Variants in TTBK1 observed in about 807,000 individuals in gnomAD.
TTBK1 encodes the protein tau tubulin kinase 1.
TTBK1 carries 34 observed loss-of-function variants against 108.5 expected under a neutral mutation model. The ratio of observed to expected loss-of-function variants is 0.31; its 90% confidence interval spans 0.24 to 0.42. The LOEUF (loss-of-function observed/expected upper bound fraction) is 0.42. Among genes scored for constraint, TTBK1 ranks in the 10% least tolerant of loss-of-function variants. The pLI is 1.00. For synonymous variants in TTBK1, 809 were observed against 795.1 expected, an observed-to-expected ratio of 1.02 and a Z score of -0.29; for missense variants, 1,539 against 1,826.0, an observed-to-expected ratio of 0.84 and a Z score of 2.86.
At chr6:43,268,305 C>A (rs545325815) in intron 13 of TTBK1, among the ~76,000 whole-genome samples, 1 of 152,326 alleles carries the variant, frequency 6.6e-6, no homozygotes, top group South Asian at 2.1e-4. Context: ...GGGCCTTAGA[C>A]CCCTAACCCT....
intron 7 of TTBK1, among the ~76,000 whole-genome samples, 199 bp from the exon 8 acceptor site, chr6:43,255,353 C>T (rs1208918258): frequency 6.6e-6 from 1 of 152,200 alleles, no homozygotes; most frequent in African/African-American, 2.4e-5. Context: ...TGAGGAAGCA[C>T]ACACGGTAGT....
chr6:43,285,503 C>G lies in TTBK1; in HGVS notation c.*127C>G, dbSNP rs996050277. The G allele has an allele frequency of 7.6e-6, 9 of 1,177,558 alleles. No homozygotes were observed. The East Asian group carries it at 2.3e-4, about 30-fold the overall frequency. The allele number at this position is 1,177,558 out of a possible 1,614,324, so 72.9% of individuals were successfully genotyped here. ...CGCGCCACCCGCGGCCCCAGCTTTC[C>G]GCCTGCACCCGCGAGGACGCGCGCG... On this transcript the variant is annotated 3_prime_UTR_variant, in exon 15 of 15. Transcript: ENST00000259750. This position sits in a 1 kb window ranked among gnomAD's most constrained non-coding sequence, Gnocchi z 4.7.
chr6:43,281,914 T>C (rs1562099124), intron 13 of TTBK1, among the ~76,000 whole-genome samples: 1 of 152,072 alleles, frequency 6.6e-6, no homozygotes, highest in Admixed American at 6.5e-5. Flanking sequence ...GTCAGACCTT[T>C]CTAGTCTGGA....
At chr6:43,267,419 C>T (rs1363797828) in intron 13 of TTBK1, among the ~76,000 whole-genome samples, 2 of 152,130 alleles carry the variant, frequency 1.3e-5, no homozygotes, top group South Asian at 4.1e-4. Flanking sequence ...GCTGAATTCC[C>T]TCTTTCCCAC....
chr6:43,285,349 C>T lies in TTBK1; in HGVS notation c.3939C>T (p.Gly1313=). 1 of 1,283,124 alleles carries T rather than the reference C, an allele frequency of 7.8e-7. No individual in the cohort carries two copies. The highest frequency in any genetic ancestry group is 3.1e-5 in the East Asian group (1 of 31,936). The allele number at this position is 1,283,124 out of a possible 1,614,324, so 79.5% of individuals were successfully genotyped here. A position where few individuals can be genotyped will look rare whatever the true frequency, so the allele number is the denominator to read the frequency against. Residue 1313 remains glycine (G), a synonymous_variant, in exon 15 of 15, where the codon GGC becomes GGT. Coordinates refer to ENST00000259750, the MANE Select transcript of TTBK1 (RefSeq NM_032538.3). This position sits in a 1 kb window ranked among gnomAD's most constrained non-coding sequence, Gnocchi z 4.7. ...CAACAACCAAAGGCCGGGCAGGAGG[C>T]GCGGAGGGCCGGGCTGGGGCCAGAT... ...QRATTKGRAG[G]AEGRAGAR
chr6:43,270,620 G>T, intron 13 of TTBK1: 3 of 985,372 alleles, frequency 3.0e-6, no homozygotes, highest in Non-Finnish European at 3.6e-6. Flanking sequence ...CCCCAGGAAG[G>T]CTCAGTCCAT....
At chr6:43,281,533 C>T (rs1414932327) in intron 13 of TTBK1, among the ~76,000 whole-genome samples, 1 of 152,030 alleles carries the variant, frequency 6.6e-6, no homozygotes, top group Non-Finnish European at 1.5e-5. Context: ...GAGAACAGGC[C>T]GGTGGCTGGG....
rs1777761229 is a variant in TTBK1, at chr6:43,269,319, G to A, written c.1986+5969G>A. 6.6e-6 allele frequency among the ~76,000 whole-genome samples: 1 copy of A among 152,216 alleles called. No individual in the cohort carries two copies. The highest frequency in any genetic ancestry group is 1.5e-5 in the Non-Finnish European group (1 of 68,034). On this transcript the variant is annotated intron_variant, in intron 13 of 14. Transcript: ENST00000259750. This position sits in a 1 kb window ranked among gnomAD's most constrained non-coding sequence, Gnocchi z 4.8. ...CGTTCCTGAGAGAAAGGGTTCCCCA[G>A]TCCAGAACAACCCTGAGCTAGGTAG...
chr6:43,270,535 G>T, intron 13 of TTBK1: 3 of 986,128 alleles, frequency 3.0e-6, no homozygotes, highest in Non-Finnish European at 3.6e-6. Context: ...GTGATCGGGG[G>T]AGGAGCCCTG....
Position 43,283,300 on chromosome 6 carries a change from GC to G in TTBK1, c.2565del (p.Asp856ThrfsTer54). On this transcript the variant is annotated frameshift_variant, in exon 14 of 15. Transcript: ENST00000259750. LOFTEE classifies it high-confidence loss of function. This position sits in a 1 kb window ranked among gnomAD's most constrained non-coding sequence, Gnocchi z 8.1. The part of the protein sequence containing the change: ...MKKSPVTAEL[A>X]PDPDLGTLAA... ...GAAGTCGCCCGTCACTGCCGAACTG[GC>G]CCCCGACCCCGACCTGGGCACCCTG... The G allele has an allele frequency of 1.3e-6, 2 of 1,574,198 alleles. No homozygotes were observed. The highest frequency in any genetic ancestry group is 8.6e-7 in the Non-Finnish European group (1 of 1,159,920).
At chr6:43,248,869 C>G (rs1777166392) in intron 2 of TTBK1, among the ~76,000 whole-genome samples, 1 of 152,154 alleles carries the variant, frequency 6.6e-6, no homozygotes. Flanking sequence ...TTCTCAGAAT[C>G]AGAATAGCAA....
At chr6:43,275,727 C>T (rs1777964353) in intron 13 of TTBK1, among the ~76,000 whole-genome samples, 2 of 152,028 alleles carry the variant, frequency 1.3e-5, no homozygotes, top group Admixed American at 6.5e-5. Flanking sequence ...AATCCGCGTC[C>T]CCTGCCCCAC....
chr6:43,258,994 C>A, intron 10 of TTBK1, 44 bp from the exon 11 acceptor site: 2 of 1,484,696 alleles, frequency 1.3e-6, no homozygotes, highest in Non-Finnish European at 1.8e-6. Flanking sequence ...AAGGAGAGGG[C>A]ACCCCTGCCA....
chr6:43,285,548 CAG>C lies in TTBK1; in HGVS notation c.*173_*174del. 2 of 886,104 alleles carry C rather than the reference CAG, an allele frequency of 2.3e-6. No homozygotes were observed. The highest frequency in any genetic ancestry group is 2.9e-6 in the Non-Finnish European group (2 of 680,598). 54.9% of individuals were successfully genotyped at this position (886,104 alleles called of 1,614,324 possible). On this transcript the variant is annotated 3_prime_UTR_variant, in exon 15 of 15. Transcript: ENST00000259750. The surrounding 1 kb of genome is among the most constrained non-coding windows in gnomAD (Gnocchi z 4.7). ...CGCGCGAGCACACGCGGCGCCCCGC[CAG>C]GCCTTAGGGCCCGTGGGGGACGCGG...
rs1314499256 is a variant in TTBK1, at chr6:43,285,244, G to C, written c.3834G>C (p.Pro1278=). 1 of 1,300,570 alleles carries C rather than the reference G, an allele frequency of 7.7e-7. No individual in the cohort carries two copies. The highest frequency in any genetic ancestry group is 1.5e-5 in the African/African-American group (1 of 64,524). The allele number at this position is 1,300,570 out of a possible 1,614,324, so 80.6% of individuals were successfully genotyped here. A position where few individuals can be genotyped will look rare whatever the true frequency, so the allele number is the denominator to read the frequency against. Residue 1278 remains proline, a synonymous_variant, in exon 15 of 15, where the codon CCG becomes CCC. Coordinates refer to ENST00000259750, the MANE Select transcript of TTBK1 (RefSeq NM_032538.3). The surrounding 1 kb of genome is among the most constrained non-coding windows in gnomAD (Gnocchi z 4.7). ...TCCCCCCGCCCCGGGGCGTCCCGCC[G>C]GCCCGGGCCCAGCCTGATGGCACCC... ...PGVPPPRGVP[P]ARAQPDGTPS...
At position 43,251,813 on chromosome 6, in the gene TTBK1, T is replaced by A. The variant is rs1374335713; in HGVS notation, c.109-926T>A. On this transcript the variant is annotated intron_variant, in intron 2 of 14. Coordinates refer to ENST00000259750, the MANE Select transcript of TTBK1 (RefSeq NM_032538.3). ...GAGGCTCATCCTGGTTGTGGGCATC[T>A]GAACAGGGACCTAGGGAGTGATGTG... is the stretch of plus-strand genomic sequence containing the variant. Among the ~76,000 whole-genome samples the A allele has an allele frequency of 2.6e-5, 4 of 152,338 alleles. No homozygotes were observed. In the East Asian group the frequency reaches 7.7e-4, roughly 29 times the overall value.
intron 13 of TTBK1, among the ~76,000 whole-genome samples, chr6:43,277,283 G>A (rs1357092429): frequency 6.6e-6 from 1 of 152,102 alleles, no homozygotes; most frequent in Non-Finnish European, 1.5e-5. Context: ...CTGGGGTTGG[G>A]GGTGCAGGGA....
At position 43,259,558 on chromosome 6, in the gene TTBK1, C is replaced by T; in HGVS notation, c.1276C>T (p.Arg426Ter). The change falls in exon 12 of 15, where the codon CGA becomes TGA. Residue 426 changes from arginine to a stop codon, truncating the protein, a stop_gained. Transcript: ENST00000259750. LOFTEE classifies it high-confidence loss of function. The surrounding 1 kb of genome is among the most constrained non-coding windows in gnomAD (Gnocchi z 6.7). ...KSPCVEEEQS[R>*]GMGVPSSPVR... Reference sequence around the variant, plus strand: ...CCCCTGTGTGGAGGAGGAACAGAGCCGAGGCATGGGGGTCCCCAGCTCCCC... The same window carrying T: ...CCCCTGTGTGGAGGAGGAACAGAGCTGAGGCATGGGGGTCCCCAGCTCCCC... 4 of 1,599,810 alleles carry T rather than the reference C, an allele frequency of 2.5e-6. No individual in the cohort carries two copies. Among genetic ancestry groups the T allele is most frequent in the Non-Finnish European group, 2.6e-6 (3 of 1,173,432 alleles).
In TTBK1 at chr6:43,276,322, C is replaced by T. The variant is rs1325944935; in HGVS notation, c.1987-6405C>T. 1.3e-5 allele frequency among the ~76,000 whole-genome samples: 2 copies of T among 152,158 alleles called. No homozygotes were observed. Among genetic ancestry groups the T allele is most frequent in the East Asian group, 3.9e-4 (2 of 5,192 alleles). On this transcript the variant is annotated intron_variant, in intron 13 of 14. Transcript: ENST00000259750. This position sits in a 1 kb window ranked among gnomAD's most constrained non-coding sequence, Gnocchi z 5.4. ...AAGATGGGACGCTTTTTTTCTTCCT[C>T]TCTCTCTCCGGGGTGCGTCCTCCTT...
Sources: gnomAD v4.1 joint callset for allele counts (sites outside exome capture counted in the v4.1 genomes callset) on GRCh38, gnomAD v4.1.1 for gene constraint, Gnocchi (gnomAD v3.1) non-coding constraint, MANE v1.5 for transcripts, NCBI Gene and HGNC (gene_info 2026-07-23, HGNC 2026-07-21) for gene names.